KATNAL2: variants seen among roughly 807,000 people sequenced by gnomAD.
KATNAL2 encodes katanin p60 ATPase-containing subunit A-like 2.
KATNAL2 carries 52 observed loss-of-function variants against 76.3 expected under a neutral mutation model. The ratio of observed to expected loss-of-function variants is 0.68; its 90% CI spans 0.55 to 0.86. The LOEUF is 0.86. KATNAL2 is among the 40% of genes least tolerant of loss of function. The probability of loss-of-function intolerance (pLI) is 0.00; values close to 1 mark genes in which losing one functional copy is unlikely to be tolerated. For synonymous variants in KATNAL2, 243 were observed against 244.2 expected, an observed-to-expected ratio of 1.00 and a Z score of 0.05; for missense variants, 660 against 668.9, an observed-to-expected ratio of 0.99 and a Z score of 0.15.
intron 1 of KATNAL2, among the ~76,000 whole-genome samples, chr18:46,920,373 G>A (rs2058468413): frequency 6.6e-6 from 1 of 152,206 alleles, no homozygotes; most frequent in Non-Finnish European, 1.5e-5. Flanking sequence ...TTTCTGGCAT[G>A]TGGAACACTC....
intron 3 of KATNAL2, among the ~76,000 whole-genome samples, chr18:47,043,244 A>AG (rs2061030547): frequency 1.3e-5 from 2 of 149,988 alleles, no homozygotes; most frequent in African/African-American, 2.4e-5. Flanking sequence ...AAAAAAAAAA[A>AG]AGAGATCCTA....
chr18:46,920,111 T>C, intron 1 of KATNAL2: 5 of 1,289,150 alleles, frequency 3.9e-6, no homozygotes, highest in Non-Finnish European at 5.1e-6. Context: ...CCTTCCTCAA[T>C]GTGTAGCAGC....
At chr18:47,060,230 C>A (rs141038863) in intron 8 of KATNAL2, among the ~76,000 whole-genome samples, 1 of 152,234 alleles carries the variant, frequency 6.6e-6, no homozygotes, top group Non-Finnish European at 1.5e-5. Flanking sequence ...CTTCTAGCCT[C>A]AAGCAATCCT....
rs2063428482 is a variant in KATNAL2, at chr18:47,100,914, A to G, written c.1526A>G (p.Asp509Gly). 1.2e-6 allele frequency: 2 copies of G among 1,614,026 alleles called. No homozygotes were observed. The highest frequency in any genetic ancestry group is 1.7e-6 in the Non-Finnish European group (2 of 1,180,044). ...CAGTTGGATATAGTAACCACTGCCG[A>G]CTTTCTGGATGTGCTAACTCACACC... ...RIQLDIVTTA[D>G]FLDVLTHTKP... The change falls in exon 18 of 18, where the codon GAC becomes GGC. Residue 509 changes from aspartate (D) to glycine (G), a missense_variant. By Grantham distance (94) the Asp-to-Gly change is moderately conservative. Coordinates refer to ENST00000683218, the MANE Select transcript of KATNAL2 (RefSeq NM_001387690.1).
intron 13 of KATNAL2, among the ~76,000 whole-genome samples, chr18:47,070,986 G>GGTTGGCCCTTGAACAACA (rs1555868010): frequency 6.6e-6 from 1 of 152,126 alleles, no homozygotes; most frequent in Non-Finnish European, 1.5e-5. Context: ...GTTCAGTTAC[G>GGTTGGCCCTTGAACAACA]GTTGGCCCTT....
chr18:46,949,639 C>T (rs2059490901), intron 3 of KATNAL2, among the ~76,000 whole-genome samples: 1 of 152,220 alleles, frequency 6.6e-6, no homozygotes, highest in Non-Finnish European at 1.5e-5. Flanking sequence ...CACCATTCAT[C>T]CGATTGCTCA....
chr18:47,053,536 G>C (rs1394209249), intron 5 of KATNAL2, among the ~76,000 whole-genome samples: 1 of 152,174 alleles, frequency 6.6e-6, no homozygotes, highest in Non-Finnish European at 1.5e-5. Context: ...CCCAGTATAG[G>C]TTAGCAGTCA....
chr18:47,079,683 T>A (rs1366213459), intron 15 of KATNAL2, among the ~76,000 whole-genome samples: 1 of 152,088 alleles, frequency 6.6e-6, no homozygotes. Flanking sequence ...CCACTTGTCA[T>A]TGACTTATTG....
At chr18:47,078,232 G>GC (rs1318383518) in intron 15 of KATNAL2, among the ~76,000 whole-genome samples, 1 of 152,040 alleles carries the variant, frequency 6.6e-6, no homozygotes, top group Admixed American at 6.6e-5. Flanking sequence ...GTGACCTCAT[G>GC]CCCCTCACAC....
At chr18:47,089,740 C>T (rs1038477055) in intron 15 of KATNAL2, among the ~76,000 whole-genome samples, 4 of 152,220 alleles carry the variant, frequency 2.6e-5, no homozygotes, top group South Asian at 2.1e-4. Flanking sequence ...CAAGTTGATG[C>T]GGCTTTTCTC....
intron 13 of KATNAL2, among the ~76,000 whole-genome samples, chr18:47,072,500 C>T (rs1292872718): frequency 6.6e-5 from 10 of 152,210 alleles, no homozygotes; most frequent in Non-Finnish European, 1.5e-4. Context: ...GGCCAAAGTG[C>T]AGTGGCACTA....
chr18:46,927,116 A>T (rs2058752182), intron 1 of KATNAL2, among the ~76,000 whole-genome samples: 1 of 152,102 alleles, frequency 6.6e-6, no homozygotes, highest in Non-Finnish European at 1.5e-5. Flanking sequence ...TGTGAATTTG[A>T]TCCTGTCATT....
chr18:47,053,969 T>C (rs1310479764), intron 5 of KATNAL2, among the ~76,000 whole-genome samples: 2 of 152,228 alleles, frequency 1.3e-5, no homozygotes, highest in Admixed American at 1.3e-4. Context: ...CCTATGATAT[T>C]GGACACGTTA....
At chr18:47,068,821 G>T (rs1187688889) in intron 11 of KATNAL2, among the ~76,000 whole-genome samples, 1 of 152,106 alleles carries the variant, frequency 6.6e-6, no homozygotes, top group African/African-American at 2.4e-5. Context: ...TTTACTAATT[G>T]GTTCTAGTAT....
intron 8 of KATNAL2, among the ~76,000 whole-genome samples, chr18:47,061,657 TAGATTCAAAACCTGGCTCA>T (rs1314903792): frequency 6.6e-6 from 1 of 152,180 alleles, no homozygotes; most frequent in Non-Finnish European, 1.5e-5. Context: ...TCAGCCTGTC[TAGATTCAAAACCTGGCTCA>T]GATGCTCCCC....
At chr18:47,050,040 G>C (rs547377234) in intron 4 of KATNAL2, among the ~76,000 whole-genome samples, 1 of 152,044 alleles carries the variant, frequency 6.6e-6, no homozygotes, top group African/African-American at 2.4e-5. Flanking sequence ...TTTTTGTTTC[G>C]TTGTTTTGTT....
intron 1 of KATNAL2, among the ~76,000 whole-genome samples, chr18:46,925,064 T>A (rs2058686232): frequency 6.6e-6 from 1 of 152,176 alleles, no homozygotes; most frequent in Non-Finnish European, 1.5e-5. Flanking sequence ...CCCAATTGAA[T>A]ACCCTTTTTT....
intron 3 of KATNAL2, chr18:47,034,795 C>T: frequency 1.2e-6 from 2 of 1,612,366 alleles, no homozygotes; most frequent in Non-Finnish European, 8.5e-7. Context: ...TATTCTGGGG[C>T]ACTTTCTCTC....
At chr18:47,043,224 T>C (rs7238916) in intron 3 of KATNAL2, among the ~76,000 whole-genome samples, 67,968 of 118,160 alleles carry the variant, frequency 0.58, 20,665 homozygotes, top group African/African-American at 0.7. Context: ...GAGACTCCGT[T>C]TCAAAAAAAA....
Sources: gnomAD v4.1 joint callset for allele counts (sites outside exome capture counted in the v4.1 genomes callset) on GRCh38, gnomAD v4.1.1 for gene constraint, MANE v1.5 for transcripts, NCBI Gene and HGNC (gene_info 2026-07-23, HGNC 2026-07-21) for gene names.